The following ERMARD variants were observed in gnomAD, a reference collection of about 807,000 sequenced individuals.
The protein encoded by ERMARD is ER membrane associated RNA degradation.
Under a neutral mutation model 83.9 loss-of-function variants are expected in ERMARD, and 71 were observed. The ratio of observed to expected loss-of-function variants is 0.85; its 90% CI spans 0.70 to 1.03. The LOEUF (loss-of-function observed/expected upper bound fraction) is 1.03, where lower values mean the gene tolerates loss of function less well. Among genes scored for constraint, ERMARD ranks in the 50% least tolerant of loss-of-function variants. The probability of loss-of-function intolerance (pLI) is 0.00; values close to 1 mark genes in which losing one functional copy is unlikely to be tolerated. For synonymous variants in ERMARD, 284 were observed against 298.6 expected (o/e 0.95, Z 0.50); for missense variants, 838 against 810.9 (o/e 1.03, Z -0.41).
intron 15 of ERMARD, 122 bp downstream of exon 15, chr6:169,776,187 T>C: frequency 6.5e-7 from 1 of 1,531,564 alleles, no homozygotes; most frequent in Admixed American, 1.8e-5. Flanking sequence ...ATCCCACTGT[T>C]ACTGCTCCAG....
intron 16 of ERMARD, among the ~76,000 whole-genome samples, chr6:169,778,158 G>A (rs1197894035): frequency 7.2e-5 from 11 of 152,220 alleles, no homozygotes; most frequent in African/African-American, 1.4e-4. Flanking sequence ...AACCCATAAC[G>A]AATGTGCTTC....
chr6:169,779,224 C>G lies in ERMARD; in HGVS notation c.1782C>G (p.Leu594=). 1 of 1,614,220 alleles carries G rather than the reference C, an allele frequency of 6.2e-7. No homozygotes were observed. ...LSPVLSLILL[L]IALELVNIHA... ...CTGTGCTCAGCCTGATACTGTTACT[C>G]ATTGCGCTGGAGTTGGTCAACATTC... The change falls in exon 17 of 18, where the codon CTC becomes CTG. Residue 594 remains leucine, a synonymous_variant. Transcript: ENST00000366773.
chr6:169,760,502 C>A (rs1490044926), intron 7 of ERMARD, 140 bp from the exon 8 acceptor site: 2 of 630,236 alleles, frequency 3.2e-6, no homozygotes, highest in East Asian at 5.7e-5. Context: ...CAATCCTACT[C>A]TCTAACAAGT....
In ERMARD at chr6:169,760,699, T is replaced by C; in HGVS notation, c.800T>C (p.Ile267Thr). Residue 267 changes from isoleucine (I) to threonine (T), a missense_variant, in exon 8 of 18, where the codon ATA (isoleucine) becomes ACA (threonine). Coordinates refer to ENST00000366773, the MANE Select transcript of ERMARD (RefSeq NM_018341.3). ...GAAGTGATGATGAAATCTGCTTTTA[T>C]ATTAAAAATCATGTTACCATATTGG... Reference protein sequence around the residue: ...LEEVMMKSAFILKIMLPYWEV... With the variant: ...LEEVMMKSAFTLKIMLPYWEV... The C allele has an allele frequency of 6.2e-7, 1 of 1,614,050 alleles. No homozygotes were observed. The highest frequency in any genetic ancestry group is 8.5e-7 in the Non-Finnish European group (1 of 1,179,928).
Position 169,776,501 on chromosome 6 carries a change from C to T in ERMARD, c.1567C>T (p.Leu523=). ...RELCSTPVPT[L]FCPRIVLEVL... is the part of the protein sequence containing the mutation. ...GCTCTGCAGCACACCTGTTCCCACCCTGTTCTGCCCCAGGATTGTGCTGGA... is the reference window on the plus strand; with the variant it reads ...GCTCTGCAGCACACCTGTTCCCACCTTGTTCTGCCCCAGGATTGTGCTGGA... The change falls in exon 16 of 18, where the codon CTG becomes TTG. Residue 523 remains leucine, a synonymous_variant. Transcript: ENST00000366773. 6.2e-7 allele frequency: 1 copy of T among 1,614,214 alleles called. No individual in the cohort carries two copies. The highest frequency in any genetic ancestry group is 8.5e-7 in the Non-Finnish European group (1 of 1,180,046).
intron 1 of ERMARD, chr6:169,753,426 A>G (rs1413610653): frequency 1.3e-5 from 2 of 154,500 alleles, no homozygotes; most frequent in East Asian, 3.8e-4. Context: ...CTGCTCTCCC[A>G]TTCCCCATTT....
In ERMARD at chr6:169,753,866, A is replaced by C. The variant is rs61736820; in HGVS notation, c.9A>C (p.Val3=). The C allele has an allele frequency of 2.6e-3, 4,086 of 1,552,726 alleles. 93 individuals are homozygous for C. The African/African-American group carries it at 0.048, about 18-fold the overall frequency. Residue 3 remains valine, a splice_region_variant and synonymous_variant, in exon 2 of 18, where the codon GTA becomes GTC. Coordinates refer to ENST00000366773, the MANE Select transcript of ERMARD (RefSeq NM_018341.3). ...TTTTATTTTATTTTATTTTTTAGGT[A>C]TTAATAGGGGACCCTATTACCACAT... is the stretch of plus-strand genomic sequence containing the variant. ME[V]LIGDPITTCL... is the part of the protein sequence containing the mutation.
At position 169,756,785 on chromosome 6, in the gene ERMARD, G is replaced by C; in HGVS notation, c.484G>C (p.Ala162Pro). Residue 162 changes from alanine (A) to proline (P), a missense_variant, in exon 5 of 18, where the codon GCT (alanine) becomes CCT (proline). Ala to Pro is a conservative substitution (Grantham distance 27). Coordinates refer to ENST00000366773, the MANE Select transcript of ERMARD (RefSeq NM_018341.3). Reference sequence around the variant, plus strand: ...AGATCTGCTTTCATCTGAGGAGCTTGCTCAAGTCTTCAGTCAGTCTGTGGT... The same window carrying C: ...AGATCTGCTTTCATCTGAGGAGCTTCCTCAAGTCTTCAGTCAGTCTGTGGT... ...LRDLLSSEEL[A>P]QVFSQSVMNV... The C allele has an allele frequency of 6.2e-7, 1 of 1,614,012 alleles. No homozygotes were observed. The highest frequency in any genetic ancestry group is 1.1e-5 in the South Asian group (1 of 91,072).
At chr6:169,762,113 T>G (rs1284869967) in intron 8 of ERMARD, among the ~76,000 whole-genome samples, 1 of 152,042 alleles carries the variant, frequency 6.6e-6, no homozygotes, top group East Asian at 1.9e-4. Context: ...ACTTAGAGAG[T>G]CTTAGTCTGT....
In ERMARD at chr6:169,761,645, TAGTG is replaced by T. The variant is rs1791565591; in HGVS notation, c.858-782_858-779del. Among the ~76,000 whole-genome samples, 6 of 152,114 alleles carry T rather than the reference TAGTG, an allele frequency of 3.9e-5. 1 individual carries two copies. In the South Asian group the frequency reaches 1.0e-3, roughly 26 times the overall value. ...GGAAAATGTTTTTAAAATCACTAGT[TAGTG>T]AAACTTTTGTTCTATGTGTAAGTGG... On this transcript the variant is annotated intron_variant, in intron 8 of 17. Coordinates refer to ENST00000366773, the MANE Select transcript of ERMARD (RefSeq NM_018341.3).
chr6:169,759,017 G>A lies in ERMARD; in HGVS notation c.557G>A (p.Arg186His), dbSNP rs779208498. 17 of 1,614,076 alleles carry A rather than the reference G, an allele frequency of 1.1e-5. No homozygotes were observed. Among genetic ancestry groups the A allele is most frequent in the Middle Eastern group, 1.7e-4 (1 of 6,060 alleles). The change falls in exon 6 of 18, where the codon CGT becomes CAT. Residue 186 changes from arginine to histidine, a missense_variant. Arg to His is a conservative substitution (Grantham distance 29). Coordinates refer to ENST00000366773, the MANE Select transcript of ERMARD (RefSeq NM_018341.3). The stretch of plus-strand genomic sequence containing the variant: ...GGCTCTCCGTGTGGTCTCAACCTGC[G>A]TAACGTCTTATGGCATGGGTTTGCG... ...FVGSPCGLNL[R>H]NVLWHGFASP... is the part of the protein sequence containing the mutation.
intron 9 of ERMARD, among the ~76,000 whole-genome samples, chr6:169,764,062 G>A (rs963881644): frequency 1.3e-5 from 2 of 152,150 alleles, no homozygotes; most frequent in Non-Finnish European, 1.5e-5. Context: ...GCAGCGTCTC[G>A]TGTTTCCCCA....
At chr6:169,757,946 T>C (rs1380846993) in intron 5 of ERMARD, among the ~76,000 whole-genome samples, 1 of 152,252 alleles carries the variant, frequency 6.6e-6, no homozygotes, top group Admixed American at 6.5e-5. Context: ...TGCCCACTTG[T>C]GGCCCCTTCA....
chr6:169,762,302 T>C (rs963589950), intron 8 of ERMARD, 127 bp from the exon 9 acceptor site: 10 of 812,650 alleles, frequency 1.2e-5, no homozygotes, highest in African/African-American at 1.1e-4. Flanking sequence ...CTTGAACTCC[T>C]AGCCTCAAGC....
chr6:169,769,119 C>T (rs1425157886), intron 11 of ERMARD, among the ~76,000 whole-genome samples: 1 of 152,206 alleles, frequency 6.6e-6, no homozygotes, highest in Non-Finnish European at 1.5e-5. Context: ...TTCCCTAAAA[C>T]CTGTGGGAGA....
At chr6:169,762,360 C>G in intron 8 of ERMARD, 69 bp from the exon 9 acceptor site, 1 of 1,400,808 alleles carries the variant, frequency 7.1e-7, no homozygotes, top group Non-Finnish European at 1.0e-6. Flanking sequence ...CAGGCATGAG[C>G]CACTGCACCT....
intron 5 of ERMARD, 61 bp from the exon 6 acceptor site, chr6:169,758,907 A>G: frequency 7.0e-7 from 1 of 1,425,986 alleles, no homozygotes; most frequent in Non-Finnish European, 9.8e-7. Flanking sequence ...TGTTATCTTC[A>G]TACTATATTG....
At chr6:169,752,001 C>G (rs1790172138) in intron 1 of ERMARD, 2 of 376,474 alleles carry the variant, frequency 5.3e-6, no homozygotes, top group Non-Finnish European at 9.4e-6. Context: ...CTCACCTGAC[C>G]GTGGCTCGTT....
rs757846757 is a variant in ERMARD at position 169,756,491 on chromosome 6, A to G, written c.417+52A>G. On this transcript the variant is annotated intron_variant, in intron 4 of 17. Coordinates refer to ENST00000366773, the MANE Select transcript of ERMARD (RefSeq NM_018341.3). ...GGCCCATTAAATTATCTGAATGAAC[A>G]TGAAACTATTTTACAGTTGTCCTCA... 8 of 1,317,638 alleles carry G rather than the reference A, an allele frequency of 6.1e-6. No homozygotes were observed. In the East Asian group the frequency reaches 1.4e-4, roughly 23 times the overall value. The allele number at this position is 1,317,638 out of a possible 1,614,324, so 81.6% of individuals were successfully genotyped here.
Sources: allele counts gnomAD v4.1 joint callset (sites outside exome capture counted in the v4.1 genomes callset), GRCh38; gene constraint gnomAD v4.1.1; transcripts MANE v1.5; gene names NCBI Gene and HGNC (gene_info 2026-07-23, HGNC 2026-07-21).